Variants in CHSY3 observed in about 807,000 individuals in gnomAD.
CHSY3 encodes the protein N-acetylgalactosaminyl-proteoglycan 3-beta-glucuronosyltransferase 3.
A neutral mutation model predicts 67.2 loss-of-function variants in CHSY3; 35 were observed. That is an observed-to-expected ratio of 0.52 (90% CI 0.40 to 0.69). The LOEUF is 0.69. Among genes scored for constraint, CHSY3 ranks in the 30% least tolerant of loss-of-function variants. The pLI, the probability that CHSY3 is intolerant of heterozygous loss-of-function variation, is 0.00. For synonymous variants in CHSY3, 474 were observed against 434.7 expected (o/e 1.09, Z -1.12); for missense variants, 1,069 against 1,138.5 (o/e 0.94, Z 0.88).
At chr5:130,028,847 A>G (rs1764629606) in intron 2 of CHSY3, among the ~76,000 whole-genome samples, 1 of 151,228 alleles carries the variant, frequency 6.6e-6, no homozygotes, top group South Asian at 2.1e-4. Flanking sequence ...TTATCTCATT[A>G]TCATTCTCTT....
chr5:130,071,414 T>C (rs1766060603), intron 2 of CHSY3, among the ~76,000 whole-genome samples: 1 of 151,972 alleles, frequency 6.6e-6, no homozygotes, highest in Non-Finnish European at 1.5e-5. Context: ...TCTGAACAGT[T>C]TGGACAGTTT....
chr5:130,169,346 C>A (rs111667413), intron 2 of CHSY3, among the ~76,000 whole-genome samples: 4,013 of 152,112 alleles, frequency 0.026, 167 homozygotes, highest in African/African-American at 0.09. Context: ...ATAAGAAACT[C>A]CGTAAAAAAC....
intron 2 of CHSY3, among the ~76,000 whole-genome samples, chr5:129,956,851 G>T (rs1181464927): frequency 6.6e-6 from 1 of 151,984 alleles, no homozygotes; most frequent in Non-Finnish European, 1.5e-5. Context: ...GTACCATGCT[G>T]TTTTCGTTAC....
intron 2 of CHSY3, chr5:130,001,394 C>T: frequency 1.1e-6 from 1 of 896,258 alleles, no homozygotes; most frequent in Non-Finnish European, 1.3e-6. Flanking sequence ...TCTCCTTTTC[C>T]TCCAGAGTTA....
At chr5:130,177,221 G>A (rs868559334) in intron 2 of CHSY3, among the ~76,000 whole-genome samples, 1 of 150,338 alleles carries the variant, frequency 6.7e-6, no homozygotes, top group South Asian at 2.1e-4. Flanking sequence ...GTATATATAT[G>A]TGTGTGTGTG....
intron 2 of CHSY3, among the ~76,000 whole-genome samples, chr5:129,952,723 A>G (rs971260300): frequency 2.0e-5 from 3 of 152,208 alleles, no homozygotes; most frequent in Non-Finnish European, 4.4e-5. Flanking sequence ...GCACTTTGGC[A>G]TGCTGTGGTA....
intron 2 of CHSY3, among the ~76,000 whole-genome samples, chr5:129,939,474 CT>C (rs1223355318): frequency 6.6e-6 from 1 of 152,076 alleles, no homozygotes; most frequent in Non-Finnish European, 1.5e-5. Flanking sequence ...AGGATTTTAC[CT>C]TTTCATTTAT....
intron 2 of CHSY3, among the ~76,000 whole-genome samples, chr5:130,008,111 C>T (rs4473801): frequency 0.51 from 77,933 of 151,930 alleles, 20,724 homozygotes; most frequent in East Asian, 0.61. Context: ...GCTGCTGTAC[C>T]CCCACTGGAG....
chr5:130,069,855 T>C (rs976854029), intron 2 of CHSY3, among the ~76,000 whole-genome samples: 3 of 152,148 alleles, frequency 2.0e-5, no homozygotes, highest in African/African-American at 7.2e-5. Context: ...ATTAAGATTT[T>C]AGAGAATTCC....
Position 130,185,671 on chromosome 5 carries a change from C to T in CHSY3, c.2529C>T (p.Asp843=). The change falls in exon 3 of 3, where the codon GAC becomes GAT. Residue 843 remains aspartate (D), a synonymous_variant. Transcript: ENST00000305031. ...FHPVHCDPNL[D]PKQYKMCLGS... ...CAGTTCATTGTGATCCTAACTTGGA[C>T]CCTAAGCAGTATAAGATGTGCTTAG... is the stretch of plus-strand genomic sequence containing the variant. 1.9e-6 allele frequency: 3 copies of T among 1,614,008 alleles called. No individual in the cohort carries two copies. Among genetic ancestry groups the T allele is most frequent in the Non-Finnish European group, 2.5e-6 (3 of 1,179,958 alleles).
intron 2 of CHSY3, among the ~76,000 whole-genome samples, chr5:130,167,902 C>T (rs1049020091): frequency 1.2e-4 from 18 of 152,012 alleles, no homozygotes; most frequent in Non-Finnish European, 1.9e-4. Flanking sequence ...AGGAGCTCTC[C>T]TTTTCCTAGA....
At chr5:130,040,884 G>T (rs1239662383) in intron 2 of CHSY3, among the ~76,000 whole-genome samples, 1 of 152,046 alleles carries the variant, frequency 6.6e-6, no homozygotes, top group Non-Finnish European at 1.5e-5. Context: ...ACAAAAAGTG[G>T]TCTACTTAAT....
intron 2 of CHSY3, among the ~76,000 whole-genome samples, chr5:129,992,113 C>G (rs915124949): frequency 2.6e-5 from 4 of 152,164 alleles, no homozygotes; most frequent in Non-Finnish European, 5.9e-5. Flanking sequence ...ACTTCTTCAG[C>G]AGCTCAAATC....
intron 2 of CHSY3, among the ~76,000 whole-genome samples, chr5:130,029,334 G>A (rs4437407): frequency 0.94 from 143,581 of 152,068 alleles, 67,895 homozygotes; most frequent in East Asian, 1. Flanking sequence ...ATTTTTAAGT[G>A]TTAAGAACTA....
chr5:129,918,083 G>C (rs1219102988), intron 2 of CHSY3, among the ~76,000 whole-genome samples: 2 of 152,164 alleles, frequency 1.3e-5, no homozygotes, highest in Non-Finnish European at 2.9e-5. Flanking sequence ...TGTCTGGCCT[G>C]TTACTCGTCT....
chr5:130,080,811 G>T (rs1300632574), intron 2 of CHSY3, among the ~76,000 whole-genome samples: 1 of 151,968 alleles, frequency 6.6e-6, no homozygotes, highest in East Asian at 1.9e-4. Flanking sequence ...GGGGCCAAGA[G>T]AAAACTTCCC....
intron 2 of CHSY3, among the ~76,000 whole-genome samples, chr5:130,117,182 G>T (rs1767838006): frequency 6.6e-6 from 1 of 152,174 alleles, no homozygotes; most frequent in South Asian, 2.1e-4. Context: ...CCCTACGGGT[G>T]GTGCTGGAGC....
chr5:130,119,503 G>T (rs535672679), intron 2 of CHSY3, among the ~76,000 whole-genome samples: 1 of 152,198 alleles, frequency 6.6e-6, no homozygotes, highest in African/African-American at 2.4e-5. Flanking sequence ...GCAGGGAGGA[G>T]CTCCCCATGG....
chr5:130,030,473 A>G (rs992403980), intron 2 of CHSY3, among the ~76,000 whole-genome samples: 4 of 152,152 alleles, frequency 2.6e-5, no homozygotes, highest in African/African-American at 9.6e-5. Context: ...TAATTTTCCA[A>G]AAGGAGCATG....
Sources: gnomAD v4.1 joint callset for allele counts (sites outside exome capture counted in the v4.1 genomes callset) on GRCh38, gnomAD v4.1.1 for gene constraint, MANE v1.5 for transcripts, NCBI Gene and HGNC (gene_info 2026-07-23, HGNC 2026-07-21) for gene names.